Variants in DNAH5 observed in about 807,000 individuals in gnomAD.
The protein encoded by DNAH5 is dynein axonemal heavy chain 5, also known as axonemal beta dynein heavy chain 5.
In DNAH5, 372 loss-of-function variants were observed where a neutral mutation model predicts 518.2. The ratio of observed to expected loss-of-function variants is 0.72; its 90% CI spans 0.66 to 0.78. The LOEUF is 0.78. Ranked by LOEUF, DNAH5 falls within the 30% of genes least tolerant of loss-of-function variation. DNAH5 has a pLI of 0.00. For synonymous variants in DNAH5, 2,039 were observed against 2,025.9 expected (o/e 1.01, Z -0.17); for missense variants, 5,523 against 5,687.0 (o/e 0.97, Z 0.93).
intron 60 of DNAH5, among the ~76,000 whole-genome samples, chr5:13,761,425 C>T (rs1461995621): frequency 6.6e-6 from 1 of 152,040 alleles, no homozygotes; most frequent in African/African-American, 2.4e-5. Flanking sequence ...AACCCCATCT[C>T]TACTAAAAAT....
At chr5:13,959,455 A>C (rs7724330) in intron 1 of DNAH5, among the ~76,000 whole-genome samples, 111,161 of 152,128 alleles carry the variant, frequency 0.73, 42,438 homozygotes, top group East Asian at 0.9. Context: ...CAACTTGGCC[A>C]AACCAGCCCC....
intron 68 of DNAH5, 105 bp from the exon 69 acceptor site, chr5:13,729,665 A>T (rs753467809): frequency 6.8e-6 from 7 of 1,034,022 alleles, no homozygotes; most frequent in Non-Finnish European, 9.8e-6. Context: ...TACTACTTTC[A>T]CTTTTTTAAG....
At chr5:13,970,158 C>G (rs116802142) in intron 1 of DNAH5, among the ~76,000 whole-genome samples, 1 of 152,020 alleles carries the variant, frequency 6.6e-6, no homozygotes, top group East Asian at 1.9e-4. Flanking sequence ...CTTTTTCCAC[C>G]CCTTTACCTT....
intron 75 of DNAH5, among the ~76,000 whole-genome samples, chr5:13,710,521 AAG>A (rs1326383803): frequency 6.6e-6 from 1 of 152,218 alleles, no homozygotes; most frequent in Non-Finnish European, 1.5e-5. Flanking sequence ...AAACAAAACA[AAG>A]CAATACAAAA....
intron 45 of DNAH5, 141 bp from the exon 46 acceptor site, chr5:13,809,327 G>C (rs1760218789): frequency 1.2e-5 from 13 of 1,040,054 alleles, no homozygotes; most frequent in Non-Finnish European, 1.9e-5. Flanking sequence ...AGAGATCTAA[G>C]TACACAAGTA....
chr5:14,001,898 G>A (rs1479166220), intron 1 of DNAH5, among the ~76,000 whole-genome samples: 1 of 151,758 alleles, frequency 6.6e-6, no homozygotes, highest in Non-Finnish European at 1.5e-5. Flanking sequence ...CCCTTTGCTG[G>A]TGTTAATTTG....
At chr5:13,938,979 T>C (rs1779217448) in intron 1 of DNAH5, among the ~76,000 whole-genome samples, 1 of 152,232 alleles carries the variant, frequency 6.6e-6, no homozygotes, top group Non-Finnish European at 1.5e-5. Flanking sequence ...TATGTGTTTC[T>C]TTTCTTTCTT....
chr5:13,778,664 G>A (rs573357327), intron 53 of DNAH5, among the ~76,000 whole-genome samples: 1 of 152,228 alleles, frequency 6.6e-6, no homozygotes, highest in East Asian at 1.9e-4. Flanking sequence ...TGTGATATGG[G>A]GGAAATTTTC....
Position 13,909,810 on chromosome 5 carries a change from A to AT in DNAH5, c.1644+1575dup, listed in dbSNP as rs538424996. Among the ~76,000 whole-genome samples the AT allele has an allele frequency of 1.9e-4, 29 of 152,310 alleles. No individual in the cohort carries two copies. In the South Asian group the frequency reaches 6.0e-3, roughly 32 times the overall value. ...CTATCTGACTATGAGCTGCGAGGGC[A>AT]TATCTACTTGATTTATTTCTGTATT... On this transcript the variant is annotated intron_variant, in intron 12 of 78. Transcript: ENST00000265104.
At chr5:13,964,848 A>G (rs1781425279) in intron 1 of DNAH5, among the ~76,000 whole-genome samples, 1 of 152,222 alleles carries the variant, frequency 6.6e-6, no homozygotes, top group Non-Finnish European at 1.5e-5. Flanking sequence ...TTAAACAGAT[A>G]AATGCCTTTG....
intron 1 of DNAH5, among the ~76,000 whole-genome samples, chr5:13,969,539 T>G (rs1272835235): frequency 6.6e-6 from 1 of 152,192 alleles, no homozygotes; most frequent in Admixed American, 6.5e-5. Flanking sequence ...AATTTTTTAA[T>G]TTCCATCTTG....
In DNAH5 at chr5:13,944,445, C is replaced by G. The variant is rs766011288; in HGVS notation, c.-7G>C. 4 of 1,612,570 alleles carry G rather than the reference C, an allele frequency of 2.5e-6. No individual in the cohort carries two copies. Among genetic ancestry groups the G allele is most frequent in the Non-Finnish European group, 3.4e-6 (4 of 1,179,828 alleles). On this transcript the variant is annotated 5_prime_UTR_variant, in exon 1 of 79. Transcript: ENST00000265104. The stretch of plus-strand genomic sequence containing the variant: ...TCCTCCCAATCCTAAACATTGTAGC[C>G]GTGCATGGACAGGCTGGAGTCAGCT...
chr5:13,769,333 C>T (rs189020426), intron 57 of DNAH5, among the ~76,000 whole-genome samples, 168 bp downstream of exon 57: 6 of 151,232 alleles, frequency 4.0e-5, no homozygotes, highest in South Asian at 2.1e-4. Flanking sequence ...CTGCAAGCTC[C>T]GCCTCCTGCA....
Position 13,919,314 on chromosome 5 carries a change from A to G in DNAH5, c.837T>C (p.Asp279=). The G allele has an allele frequency of 5.6e-6, 9 of 1,614,192 alleles. No individual in the cohort carries two copies. Among genetic ancestry groups the G allele is most frequent in the Non-Finnish European group, 7.6e-6 (9 of 1,180,024 alleles). ...CCAGCTCCGCTCGTGGCCCAACGTCATCCGCTTCCTTCAGCAGCTGATTGT... is the reference window on the plus strand; with the variant it reads ...CCAGCTCCGCTCGTGGCCCAACGTCGTCCGCTTCCTTCAGCAGCTGATTGT... ...AENNQLLKEA[D]DVGPRAELEH... Residue 279 remains aspartate (D), a synonymous_variant, in exon 7 of 79, where the codon GAT becomes GAC. Transcript: ENST00000265104.
At chr5:13,839,177 T>C (rs552572042) in intron 35 of DNAH5, among the ~76,000 whole-genome samples, 179 bp downstream of exon 35, 1 of 152,308 alleles carries the variant, frequency 6.6e-6, no homozygotes, top group Admixed American at 6.5e-5. Context: ...AAGCAAGGTC[T>C]GTGTCAGTCA....
intron 1 of DNAH5, among the ~76,000 whole-genome samples, chr5:13,952,982 ATTGCTAC>A (rs1780529687): frequency 6.6e-6 from 1 of 152,248 alleles, no homozygotes; most frequent in South Asian, 2.1e-4. Context: ...GATAAACGTC[ATTGCTAC>A]TTAATGCGTT....
intron 1 of DNAH5, among the ~76,000 whole-genome samples, chr5:14,003,518 C>G (rs574440320): frequency 1.7e-4 from 26 of 152,344 alleles, no homozygotes; most frequent in African/African-American, 6.3e-4. Flanking sequence ...TCTCACCTCT[C>G]TGTCATACTC....
At chr5:13,729,675 G>T in intron 68 of DNAH5, 115 bp from the exon 69 acceptor site, 1 of 931,450 alleles carries the variant, frequency 1.1e-6, no homozygotes, top group Non-Finnish European at 1.6e-6. Flanking sequence ...ACTTTTTTAA[G>T]CACAGAAATA....
chr5:13,937,549 A>G (rs1779042947), intron 1 of DNAH5, among the ~76,000 whole-genome samples: 1 of 122,598 alleles, frequency 8.2e-6, no homozygotes, highest in African/African-American at 3.7e-5. Context: ...CCCCCTACTC[A>G]CTGCTGCTTC....
Sources: gnomAD v4.1 joint callset for allele counts (sites outside exome capture counted in the v4.1 genomes callset) on GRCh38, gnomAD v4.1.1 for gene constraint, MANE v1.5 for transcripts, NCBI Gene and HGNC (gene_info 2026-07-23, HGNC 2026-07-21) for gene names.